The following CLPX variants were observed in gnomAD, a reference collection of about 807,000 sequenced individuals.
CLPX encodes caseinolytic mitochondrial matrix peptidase chaperone subunit X.
CLPX carries 34 observed loss-of-function variants against 76.4 expected under a neutral mutation model. That is an observed-to-expected ratio of 0.45 (90% confidence interval 0.34 to 0.59). The LOEUF (loss-of-function observed/expected upper bound fraction) is 0.59. Among genes scored for constraint, CLPX ranks in the 20% least tolerant of loss-of-function variants. CLPX has a pLI of 0.01. For missense variants in CLPX, 613 were observed against 757.0 expected (o/e 0.81, Z 2.23); for synonymous variants, 248 against 270.9 (o/e 0.92, Z 0.83).
intron 1 of CLPX, among the ~76,000 whole-genome samples, chr15:65,183,189 G>C (rs1410607137): frequency 1.3e-5 from 2 of 151,690 alleles, no homozygotes; most frequent in African/African-American, 4.8e-5. Context: ...GAGGCCAGGC[G>C]CGGTGGCTCA....
chr15:65,156,732 CG>C, intron 9 of CLPX, 111 bp downstream of exon 9: 1 of 609,892 alleles, frequency 1.6e-6, no homozygotes, highest in Non-Finnish European at 2.9e-6. Context: ...AGTTTGGGGG[CG>C]GAAGAAATAA....
In CLPX at chr15:65,166,947, T is replaced by C. The variant is rs559774966; in HGVS notation, c.359-162A>G. ...AACAGCCTCATTTATATAGCAAGTATACTACAAAGATAGATCAGTCAACTA... is the reference window on the plus strand; with the variant it reads ...AACAGCCTCATTTATATAGCAAGTACACTACAAAGATAGATCAGTCAACTA... On this transcript the variant is annotated intron_variant, in intron 3 of 13. Transcript: ENST00000300107. Among the ~76,000 whole-genome samples the C allele has an allele frequency of 2.4e-4, 37 of 152,370 alleles. 1 individual carries two copies. In the South Asian group the frequency reaches 7.7e-3, roughly 32 times the overall value.
chr15:65,152,470 T>G lies in CLPX; in HGVS notation c.1771A>C (p.Lys591Gln), dbSNP rs758353237. 5.1e-6 allele frequency: 8 copies of G among 1,564,144 alleles called. No individual in the cohort carries two copies. The highest frequency in any genetic ancestry group is 6.9e-6 in the Non-Finnish European group (8 of 1,155,838). The change falls in exon 13 of 14, where the codon AAA (lysine) becomes CAA (glutamine). Residue 591 changes from lysine (K) to glutamine (Q), a missense_variant. Lys to Gln is a moderately conservative substitution (Grantham distance 53). This residue lies in a region of CLPX where 450 missense variants were observed against 638.6 expected (regional missense o/e 0.70). Coordinates refer to ENST00000300107, the MANE Select transcript of CLPX (RefSeq NM_006660.5). ...TCCTTTTTTCCTTCTACTACTTCTT[T>G]GTCAACCTCCACACATACGATATCA... The part of the protein sequence containing the change: ...NSDIVCVEVD[K>Q]EVVEGKKEPG...
chr15:65,168,383 C>CAGAAAAA (rs2087948890), intron 3 of CLPX, among the ~76,000 whole-genome samples: 5 of 35,666 alleles, frequency 1.4e-4, no homozygotes, highest in Non-Finnish European at 1.8e-4. Context: ...GACTCTGTCT[C>CAGAAAAA]AAAAAAAAAA....
rs2087707964 is a variant in CLPX at position 65,150,649 on chromosome 15, A to T, written c.*174T>A. On this transcript the variant is annotated 3_prime_UTR_variant, in exon 14 of 14. Coordinates refer to ENST00000300107, the MANE Select transcript of CLPX (RefSeq NM_006660.5). ...TAAAGTCCATATAACATCTTCCGTA[A>T]AATCAATGTGATGTTACAATTATAT... 2.4e-6 allele frequency: 1 copy of T among 417,660 alleles called. No homozygotes were observed. The highest frequency in any genetic ancestry group is 8.7e-5 in the South Asian group (1 of 11,522). The allele number at this position is 417,660 out of a possible 1,614,324, so 25.9% of individuals were successfully genotyped here. A position where few individuals can be genotyped will look rare whatever the true frequency, so the allele number is the denominator to read the frequency against.
intron 4 of CLPX, among the ~76,000 whole-genome samples, chr15:65,164,556 A>C (rs1437871780): frequency 3.3e-5 from 5 of 152,244 alleles, no homozygotes; most frequent in African/African-American, 1.2e-4. Flanking sequence ...GTAAATCATT[A>C]AAATAAATCC....
In CLPX at chr15:65,172,695, T is replaced by C. The variant is rs143037673; in HGVS notation, c.359-5910A>G. Among the ~76,000 whole-genome samples the C allele has an allele frequency of 3.9e-3, 587 of 152,178 alleles. 2 individuals are homozygous for C. The highest frequency in any genetic ancestry group is 0.01 in the Admixed American group (153 of 15,284). ...CACTTCTCCAAAGAAGACAGACAAA[T>C]GGCCAATAAACCTAAGAAAAGATTA... On this transcript the variant is annotated intron_variant, in intron 3 of 13. Transcript: ENST00000300107.
rs767058816 is a variant in CLPX at position 65,158,673 on chromosome 15, A to G, written c.794T>C (p.Ile265Thr). 6.2e-7 allele frequency: 1 copy of G among 1,613,844 alleles called. No individual in the cohort carries two copies. The highest frequency in any genetic ancestry group is 1.3e-5 in the African/African-American group (1 of 75,038). Reference sequence around the variant, plus strand: ...TTCACCTCCTCGTTTTTCCTGAGGTATTTGTTGATTTACCTGTTGCTGCAT... The same window carrying G: ...TTCACCTCCTCGTTTTTCCTGAGGTGTTTGTTGATTTACCTGTTGCTGCAT... ...ASMQQQVNQQ[I>T]PQEKRGGEVL... is the part of the protein sequence containing the mutation. Residue 265 changes from isoleucine to threonine, a missense_variant, in exon 7 of 14, where the codon ATA becomes ACA. Coordinates refer to ENST00000300107, the MANE Select transcript of CLPX (RefSeq NM_006660.5).
At chr15:65,168,479 T>C (rs1194327593) in intron 3 of CLPX, among the ~76,000 whole-genome samples, 1 of 146,338 alleles carries the variant, frequency 6.8e-6, no homozygotes, top group Non-Finnish European at 1.5e-5. Flanking sequence ...ACCATCATTC[T>C]GAGCAAACTA....
rs370697649 is a variant in CLPX at position 65,166,624 on chromosome 15, C to T, written c.513+7G>A. ...AATACTTGTAAGACTGAGCTTAAGA[C>T]TTATACCTTCTTAGGGGGAGGTGGT... On this transcript the variant is annotated splice_region_variant and intron_variant, in intron 4 of 13. Coordinates refer to ENST00000300107, the MANE Select transcript of CLPX (RefSeq NM_006660.5). 1.1e-5 allele frequency: 18 copies of T among 1,613,582 alleles called. No homozygotes were observed. The highest frequency in any genetic ancestry group is 1.4e-5 in the Non-Finnish European group (17 of 1,179,824).
intron 3 of CLPX, among the ~76,000 whole-genome samples, chr15:65,177,658 AC>A: frequency 2.0e-5 from 3 of 152,324 alleles, no homozygotes; most frequent in Middle Eastern, 6.8e-3. Flanking sequence ...ACATGGTGGT[AC>A]AATTCATTAC....
intron 1 of CLPX, among the ~76,000 whole-genome samples, chr15:65,182,272 T>G (rs1337633470): frequency 6.6e-6 from 1 of 152,208 alleles, no homozygotes; most frequent in East Asian, 1.9e-4. Flanking sequence ...CTAACACTTT[T>G]TGTGCCATGA....
intron 3 of CLPX, among the ~76,000 whole-genome samples, chr15:65,172,410 T>A (rs1047889013): frequency 1.3e-5 from 2 of 151,796 alleles, no homozygotes; most frequent in African/African-American, 4.8e-5. Flanking sequence ...GGTGGGCGGA[T>A]CACAAGGTCA....
chr15:65,155,687 C>G lies in CLPX; in HGVS notation c.1311+5G>C. 6.2e-7 allele frequency: 1 copy of G among 1,610,024 alleles called. No individual in the cohort carries two copies. The highest frequency in any genetic ancestry group is 1.7e-4 in the Middle Eastern group (1 of 6,040). On this transcript the variant is annotated splice_donor_5th_base_variant and intron_variant, in intron 10 of 13. Coordinates refer to ENST00000300107, the MANE Select transcript of CLPX (RefSeq NM_006660.5). Reference sequence around the variant, plus strand: ...TCCTTCTAGTAACCCCTCAGAAAAACTTACCTTTTCATTTTTCCTCCTGCT... The same window carrying G: ...TCCTTCTAGTAACCCCTCAGAAAAAGTTACCTTTTCATTTTTCCTCCTGCT...
chr15:65,175,207 C>T (rs2088073388), intron 3 of CLPX, among the ~76,000 whole-genome samples: 1 of 152,154 alleles, frequency 6.6e-6, no homozygotes, highest in African/African-American at 2.4e-5. Flanking sequence ...AAATGCAGGC[C>T]AGGCATGGTG....
intron 6 of CLPX, among the ~76,000 whole-genome samples, chr15:65,158,976 T>TA: frequency 6.6e-6 from 1 of 152,356 alleles, no homozygotes; most frequent in African/African-American, 2.4e-5. Flanking sequence ...TGATTTTTTT[T>TA]ACTGTCCTTA....
In CLPX at chr15:65,148,987, T is replaced by C. The variant is rs775904800; in HGVS notation, c.*1836A>G. On this transcript the variant is annotated 3_prime_UTR_variant, in exon 14 of 14. Transcript: ENST00000300107. ...ATATGTTAGTGTGAACACATTTACTTTGGCTGATAGCAAAACATAGATTTT... is the reference window on the plus strand; with the variant it reads ...ATATGTTAGTGTGAACACATTTACTCTGGCTGATAGCAAAACATAGATTTT... 2 of 152,244 alleles carry C rather than the reference T, an allele frequency of 1.3e-5. No homozygotes were observed. The highest frequency in any genetic ancestry group is 2.4e-5 in the African/African-American group (1 of 41,468). The allele number at this position is 152,244 out of a possible 1,614,324, so 9.4% of individuals were successfully genotyped here.
At position 65,150,791 on chromosome 15, in the gene CLPX, A is replaced by C. The variant is rs566610862; in HGVS notation, c.*32T>G. 2 of 1,443,160 alleles carry C rather than the reference A, an allele frequency of 1.4e-6. No individual in the cohort carries two copies. Among genetic ancestry groups the C allele is most frequent in the Non-Finnish European group, 9.7e-7 (1 of 1,035,388 alleles). The allele number at this position is 1,443,160 out of a possible 1,614,324, so 89.4% of individuals were successfully genotyped here. On this transcript the variant is annotated 3_prime_UTR_variant, in exon 14 of 14. Coordinates refer to ENST00000300107, the MANE Select transcript of CLPX (RefSeq NM_006660.5). The stretch of plus-strand genomic sequence containing the variant: ...TTATGATCCTAAACAAAAGAAGGAA[A>C]AGCTGTATATACAAGACAGCAATAT...
chr15:65,166,435 A>G (rs923455666), intron 4 of CLPX, among the ~76,000 whole-genome samples, 196 bp downstream of exon 4: 4 of 152,340 alleles, frequency 2.6e-5, no homozygotes, highest in South Asian at 2.1e-4. Flanking sequence ...TACAGTAATC[A>G]TAACATGGGA....
Sources: gnomAD v4.1 joint callset for allele counts (sites outside exome capture counted in the v4.1 genomes callset) on GRCh38, gnomAD v4.1.1 for gene constraint, gnomAD v4.1.1 regional missense constraint, MANE v1.5 for transcripts, NCBI Gene and HGNC (gene_info 2026-07-23, HGNC 2026-07-21) for gene names.